TNS2: variants seen among roughly 807,000 people sequenced by gnomAD.
The protein encoded by TNS2 is tensin 2, also known as tensin-2.
Under a neutral mutation model 155.7 loss-of-function variants are expected in TNS2, and 77 were observed. The ratio of observed to expected loss-of-function variants is 0.49; its 90% confidence interval spans 0.41 to 0.60. The LOEUF (loss-of-function observed/expected upper bound fraction) is 0.60, where lower values mean the gene tolerates loss of function less well. Among genes scored for constraint, TNS2 ranks in the 20% least tolerant of loss-of-function variants. The pLI, the probability that TNS2 is intolerant of heterozygous loss-of-function variation, is 0.00. For missense variants in TNS2, 1,703 were observed against 1,868.8 expected (o/e 0.91, Z 1.64); for synonymous variants, 726 against 763.9 (o/e 0.95, Z 0.82).
chr12:53,053,581 G>A, intron 4 of TNS2, 132 bp downstream of exon 4: 3 of 1,403,620 alleles, frequency 2.1e-6, no homozygotes, highest in South Asian at 1.3e-5. Flanking sequence ...CATCCTATGA[G>A]GAAAGAAAAA....
At chr12:53,049,005 G>T, upstream of TNS2, 1 of 584,064 alleles carries the variant, frequency 1.7e-6, no homozygotes, top group East Asian at 3.2e-5. Flanking sequence ...TCCACAGCTT[G>T]GGGCTGAAGA....
At position 53,059,101 on chromosome 12, in the gene TNS2, AGCGGCCTCCCCG is replaced by A. The variant is rs944292360; in HGVS notation, c.1463_1474del (p.Arg488_Arg491del). 10 of 1,549,364 alleles carry A rather than the reference AGCGGCCTCCCCG, an allele frequency of 6.5e-6. No homozygotes were observed. Among genetic ancestry groups the A allele is most frequent in the Non-Finnish European group, 8.7e-6 (10 of 1,155,020 alleles). On this transcript the variant is annotated inframe_deletion, in exon 18 of 29. Transcript: ENST00000314250. The surrounding 1 kb of genome is among the most constrained non-coding windows in gnomAD (Gnocchi z 4.7). ...GATGGCAGTCCTTATGCCCAGGTGC[AGCGGCCTCCCCG>A]GCAGACCCCCCCGGCACCCTCTCCA... is the stretch of plus-strand genomic sequence containing the variant.
At position 53,050,390 on chromosome 12, in the gene TNS2, A is replaced by G; in HGVS notation, c.75+130A>G. On this transcript the variant is annotated intron_variant, in intron 1 of 28. Coordinates refer to ENST00000314250, the MANE Select transcript of TNS2 (RefSeq NM_170754.4). This position sits in a 1 kb window ranked among gnomAD's most constrained non-coding sequence, Gnocchi z 4.7. ...CCTCAGCCTTCTTCCCTGGCCCAGC[A>G]TCCCCTCCGGAGTGGCCAGGGCTGT... 7 of 1,133,808 alleles carry G rather than the reference A, an allele frequency of 6.2e-6. 1 individual carries two copies. In the South Asian group the frequency reaches 1.1e-4, roughly 18 times the overall value. 70.2% of individuals were successfully genotyped at this position (1,133,808 alleles called of 1,614,324 possible).
In TNS2 at chr12:53,057,600, C is replaced by G; in HGVS notation, c.879C>G (p.Gly293=). ...GCTACTTCAGTGGGCTGCTATCTGGCTCCATCAGAATGAACAGCAGCCCTC... is the reference window on the plus strand; with the variant it reads ...GCTACTTCAGTGGGCTGCTATCTGGGTCCATCAGAATGAACAGCAGCCCTC... ...YISYFSGLLS[G]SIRMNSSPLF... is the part of the protein sequence containing the mutation. The change falls in exon 12 of 29, where the codon GGC becomes GGG. Residue 293 remains glycine, a synonymous_variant. Transcript: ENST00000314250. The G allele has an allele frequency of 1.2e-6, 2 of 1,613,808 alleles. No individual in the cohort carries two copies. Among genetic ancestry groups the G allele is most frequent in the South Asian group, 1.1e-5 (1 of 91,062 alleles).
rs1355581465 is a variant in TNS2, at chr12:53,063,567, A to G, written c.4066A>G (p.Thr1356Ala). 6.2e-7 allele frequency: 1 copy of G among 1,606,780 alleles called. No individual in the cohort carries two copies. The highest frequency in any genetic ancestry group is 8.5e-7 in the Non-Finnish European group (1 of 1,177,370). The change falls in exon 28 of 29, where the codon ACC (threonine) becomes GCC (alanine). Residue 1356 changes from threonine to alanine, a missense_variant. By Grantham distance (58) the Thr-to-Ala change is moderately conservative. Coordinates refer to ENST00000314250, the MANE Select transcript of TNS2 (RefSeq NM_170754.4). The surrounding 1 kb of genome is among the most constrained non-coding windows in gnomAD (Gnocchi z 5.6). ...SSTDPQDRRW[T>A]NPDGTTSKIF... ...CACCTTCTTCTCCTTCTGCAGATGG[A>G]CCAACCCAGACGGGACCACCTCCAA... is the stretch of plus-strand genomic sequence containing the variant.
At chr12:53,061,531 T>G in intron 21 of TNS2, 62 bp downstream of exon 21, 1 of 1,561,708 alleles carries the variant, frequency 6.4e-7, no homozygotes. Flanking sequence ...TGTCTTGGCT[T>G]TAAGTCCCAT....
Position 53,059,281 on chromosome 12 carries a change from G to T in TNS2, c.1640G>T (p.Gly547Val). ...CAGGAGCTGGATCGCCTCCTAGGAG[G>T]CTGCGGAGTGGCCAGTGGGGGCCGG... ...ERQELDRLLG[G>V]CGVASGGRGA... Residue 547 changes from glycine (G) to valine (V), a missense_variant, in exon 18 of 29, where the codon GGC becomes GTC. Transcript: ENST00000314250. This position sits in a 1 kb window ranked among gnomAD's most constrained non-coding sequence, Gnocchi z 4.7. The T allele has an allele frequency of 6.7e-7, 1 of 1,488,324 alleles. No individual in the cohort carries two copies. The highest frequency in any genetic ancestry group is 8.9e-7 in the Non-Finnish European group (1 of 1,122,768). The allele number at this position is 1,488,324 out of a possible 1,614,324, so 92.2% of individuals were successfully genotyped here. A position where few individuals can be genotyped will look rare whatever the true frequency, so the allele number is the denominator to read the frequency against.
At chr12:53,048,585 G>A (rs947935236), upstream of TNS2, among the ~76,000 whole-genome samples, 66 of 152,226 alleles carry the variant, frequency 4.3e-4, no homozygotes, top group African/African-American at 1.5e-3. Context: ...CAGGATGGGG[G>A]TGGGTCACAG....
chr12:53,054,287 C>T lies in TNS2; in HGVS notation c.368C>T (p.Pro123Leu), dbSNP rs1944047968. Residue 123 changes from proline to leucine, a missense_variant, in exon 7 of 29, where the codon CCG (proline) becomes CTG (leucine). Transcript: ENST00000314250. The stretch of plus-strand genomic sequence containing the variant: ...CTCCCCAGGAGCTTCAGCCTGGACC[C>T]GCTCATGGAGCGGCGCTGGGACTTA... Reference protein sequence around the residue: ...STLPRSFSLDPLMERRWDLDL... With the variant: ...STLPRSFSLDLLMERRWDLDL... 2 of 1,613,168 alleles carry T rather than the reference C, an allele frequency of 1.2e-6. No individual in the cohort carries two copies. The highest frequency in any genetic ancestry group is 1.7e-6 in the Non-Finnish European group (2 of 1,179,908).
At chr12:53,055,441 C>A in intron 8 of TNS2, 127 bp from the exon 9 acceptor site, 1 of 1,280,940 alleles carries the variant, frequency 7.8e-7, no homozygotes, top group Non-Finnish European at 1.1e-6. Context: ...AGTGCCGAGG[C>A]TATCATGGAC....
Position 53,052,200 on chromosome 12 carries a change from G to A in TNS2, c.184+237G>A, listed in dbSNP as rs558668609. The A allele has an allele frequency of 1.3e-5, 8 of 607,914 alleles. 1 individual carries two copies. Among genetic ancestry groups the A allele is most frequent in the Admixed American group, 6.0e-5 (2 of 33,516 alleles). 37.7% of individuals were successfully genotyped at this position (607,914 alleles called of 1,614,324 possible). ...TCACCTTCCCATCCTGACTTGTGAC[G>A]GTAGTCTTCCTTCCCTCTCTTCCTC... On this transcript the variant is annotated intron_variant, in intron 2 of 28. Transcript: ENST00000314250.
chr12:53,050,103 CGCCAGGCCGCTTCCAGGAAGCCCCGG>C lies in TNS2; in HGVS notation c.-74_-49del. ...TCCGCCCAGGGGAAGCGGCTGCCTC[CGCCAGGCCGCTTCCAGGAAGCCCCGG>C]GCCAGGCCCCAGCATTGTTCAGGCC... On this transcript the variant is annotated 5_prime_UTR_variant, in exon 1 of 29. Coordinates refer to ENST00000314250, the MANE Select transcript of TNS2 (RefSeq NM_170754.4). This position sits in a 1 kb window ranked among gnomAD's most constrained non-coding sequence, Gnocchi z 4.7. 1 of 1,559,140 alleles carries C rather than the reference CGCCAGGCCGCTTCCAGGAAGCCCCGG, an allele frequency of 6.4e-7. No homozygotes were observed. The highest frequency in any genetic ancestry group is 1.9e-5 in the Admixed American group (1 of 51,944).
rs770007326 is a variant in TNS2 at position 53,058,353 on chromosome 12, G to A, written c.1133G>A (p.Arg378Gln). 22 of 1,614,008 alleles carry A rather than the reference G, an allele frequency of 1.4e-5. No individual in the cohort carries two copies. Among genetic ancestry groups the A allele is most frequent in the Middle Eastern group, 1.6e-4 (1 of 6,084 alleles). The change falls in exon 15 of 29, where the codon CGG becomes CAG. Residue 378 changes from arginine (R) to glutamine (Q), a missense_variant. Physicochemically the swap from Arg to Gln is conservative, Grantham distance 43. Coordinates refer to ENST00000314250, the MANE Select transcript of TNS2 (RefSeq NM_170754.4). ...CACAAGGGTGGCCGGGGCACAGACC[G>A]GACCCTCGTGTTCCGAGTCCAGTTC... ...CYHKGGRGTD[R>Q]TLVFRVQFHT...
In TNS2 at chr12:53,059,841, C is replaced by A. The variant is rs1157938981; in HGVS notation, c.2200C>A (p.Pro734Thr). Residue 734 changes from proline (P) to threonine (T), a missense_variant, in exon 18 of 29, where the codon CCG becomes ACG. Pro to Thr is a conservative substitution (Grantham distance 38, BLOSUM62 -1). Transcript: ENST00000314250. The surrounding 1 kb of genome is among the most constrained non-coding windows in gnomAD (Gnocchi z 4.7). ...PLLHPVRPGHPLPLLLPACGH... is the reference protein window; with the variant it reads ...PLLHPVRPGHTLPLLLPACGH... ...CCTGCACCCAGTGCGGCCTGGGCAC[C>A]CGCTGCCTCTGCTCTTGCCTGCCTG... is the stretch of plus-strand genomic sequence containing the variant. 6.2e-7 allele frequency: 1 copy of A among 1,612,974 alleles called. No homozygotes were observed. The highest frequency in any genetic ancestry group is 8.5e-7 in the Non-Finnish European group (1 of 1,179,938).
chr12:53,053,836 G>C, intron 5 of TNS2, 24 bp downstream of exon 5: 1 of 1,613,670 alleles, frequency 6.2e-7, no homozygotes, highest in Non-Finnish European at 8.5e-7. Flanking sequence ...GGAGCAGGAG[G>C]GGGAAGCAGG....
At position 53,059,175 on chromosome 12, in the gene TNS2, G is replaced by C; in HGVS notation, c.1534G>C (p.Asp512His). The C allele has an allele frequency of 6.2e-7, 1 of 1,600,014 alleles. No individual in the cohort carries two copies. Among genetic ancestry groups the C allele is most frequent in the South Asian group, 1.1e-5 (1 of 90,430 alleles). ...PPPPMLSVSS[D>H]SGHSSTLTTE... ...ACCCCCCATGCTCTCTGTCAGCAGC[G>C]ACTCAGGCCATTCCTCCACGCTGAC... The change falls in exon 18 of 29, where the codon GAC (aspartate) becomes CAC (histidine). Residue 512 changes from aspartate to histidine, a missense_variant. Physicochemically the swap from Asp to His is moderately conservative, Grantham distance 81. Transcript: ENST00000314250. This position sits in a 1 kb window ranked among gnomAD's most constrained non-coding sequence, Gnocchi z 4.7.
At chr12:53,051,805 G>A (rs1160760920) in intron 1 of TNS2, 50 bp from the exon 2 acceptor site, 6 of 1,443,572 alleles carry the variant, frequency 4.2e-6, no homozygotes, top group Non-Finnish European at 5.8e-6. Context: ...CCCGGAGATG[G>A]AGATGGGCCC....
chr12:53,053,620 C>A, intron 4 of TNS2, 154 bp from the exon 5 acceptor site: 3 of 1,363,620 alleles, frequency 2.2e-6, no homozygotes, highest in African/African-American at 1.5e-5. Flanking sequence ...TGATCTTGTG[C>A]CCTTGGGCCT....
At chr12:53,054,523 G>A in intron 7 of TNS2, 82 bp downstream of exon 7, 2 of 1,423,378 alleles carry the variant, frequency 1.4e-6, no homozygotes, top group Non-Finnish European at 1.8e-6. Flanking sequence ...GACGTCACCA[G>A]CGGAGGCGAG....
Sources: allele counts gnomAD v4.1 joint callset (sites outside exome capture counted in the v4.1 genomes callset), GRCh38; gene constraint gnomAD v4.1.1; non-coding constraint Gnocchi (gnomAD v3.1); transcripts MANE v1.5; gene names NCBI Gene and HGNC (gene_info 2026-07-23, HGNC 2026-07-21).